NKAIN3: variants seen among roughly 807,000 people sequenced by gnomAD.
NKAIN3 encodes sodium/potassium-transporting ATPase subunit beta-1-interacting protein 3.
A neutral mutation model predicts 30.2 loss-of-function variants in NKAIN3; 25 were observed. The ratio of observed to expected loss-of-function variants is 0.83; its 90% confidence interval spans 0.60 to 1.16. The LOEUF (loss-of-function observed/expected upper bound fraction) is 1.16, where lower values mean the gene tolerates loss of function less well. Among genes scored for constraint, NKAIN3 ranks in the 50% most tolerant of loss-of-function variants. NKAIN3 has a pLI of 0.00. For synonymous variants in NKAIN3, 91 were observed against 89.6 expected, an observed-to-expected ratio of 1.02 and a Z score of -0.09; for missense variants, 225 against 254.1, an observed-to-expected ratio of 0.89 and a Z score of 0.78.
chr8:62,771,141 A>C lies in NKAIN3; in HGVS notation c.471+24012A>C, dbSNP rs1368922194. On this transcript the variant is annotated intron_variant, in intron 4 of 6. Transcript: ENST00000623646. Reference sequence around the variant, plus strand: ...TTTTAAAAATCATGTTTAAATAATAAAAGTGGTCTGGCACAGTGGCTCGCA... The same window carrying C: ...TTTTAAAAATCATGTTTAAATAATACAAGTGGTCTGGCACAGTGGCTCGCA... Among the ~76,000 whole-genome samples the C allele has an allele frequency of 2.6e-5, 4 of 152,240 alleles. No individual in the cohort carries two copies. The East Asian group carries it at 7.7e-4, about 29-fold the overall frequency.
At chr8:62,800,277 T>C (rs776433649) in intron 4 of NKAIN3, among the ~76,000 whole-genome samples, 5 of 152,188 alleles carry the variant, frequency 3.3e-5, no homozygotes, top group Non-Finnish European at 5.9e-5. Flanking sequence ...GGGATTATAA[T>C]TTTGTATATG....
rs186617086 is a variant in NKAIN3 at position 62,889,436 on chromosome 8, T to A, written c.472-29017T>A. On this transcript the variant is annotated intron_variant, in intron 4 of 6. Coordinates refer to ENST00000623646, the MANE Select transcript of NKAIN3 (RefSeq NM_001304533.3). ...CTTGTTGAACATCATAAGAGGTCCC[T>A]CAGAAGACCACCAAAATAATGTAAT... 2.2e-4 allele frequency among the ~76,000 whole-genome samples: 33 copies of A among 152,088 alleles called. No homozygotes were observed. The East Asian group carries it at 4.8e-3, about 22-fold the overall frequency.
intron 1 of NKAIN3, among the ~76,000 whole-genome samples, chr8:62,493,997 T>C (rs924442718): frequency 2.6e-5 from 4 of 152,094 alleles, no homozygotes; most frequent in Non-Finnish European, 5.9e-5. Context: ...TCTTTTCCCA[T>C]TTTCCTATGC....
chr8:62,983,757 C>T lies in NKAIN3; in HGVS notation c.*18350C>T, dbSNP rs1202208255. 3 of 152,148 alleles carry T rather than the reference C, an allele frequency of 2.0e-5. No individual in the cohort carries two copies. The East Asian group carries it at 5.8e-4, about 29-fold the overall frequency. 9.4% of individuals were successfully genotyped at this position (152,148 alleles called of 1,614,324 possible). On this transcript the variant is annotated 3_prime_UTR_variant, in exon 7 of 7. Transcript: ENST00000623646. ...ACTAACATTTCAGAACTGCGGTCAC[C>T]CATTTTATACAAACCAAAGCACTTC...
intron 4 of NKAIN3, among the ~76,000 whole-genome samples, chr8:62,873,937 G>A (rs556731581): frequency 6.6e-6 from 1 of 151,730 alleles, no homozygotes; most frequent in African/African-American, 2.4e-5. Context: ...AGCAAGGCAA[G>A]AACAAACAAA....
At position 62,276,819 on chromosome 8, in the gene NKAIN3, C is replaced by G. The variant is rs79466038; in HGVS notation, c.54+27692C>G. 2.8e-3 allele frequency among the ~76,000 whole-genome samples: 424 copies of G among 152,188 alleles called. 13 individuals are homozygous for G. In the East Asian group the frequency reaches 0.07, roughly 25 times the overall value. On this transcript the variant is annotated intron_variant, in intron 1 of 6. Transcript: ENST00000623646. ...TTGGTAGGAATAGTTTTGTTTAAGT[C>G]AAACATTGCATTAAAATAATTATTT...
intron 3 of NKAIN3, among the ~76,000 whole-genome samples, chr8:62,712,409 C>A (rs1814751826): frequency 6.6e-6 from 1 of 152,046 alleles, no homozygotes; most frequent in Non-Finnish European, 1.5e-5. Context: ...GCAGGTCTTG[C>A]TGTGGCTGCT....
intron 4 of NKAIN3, among the ~76,000 whole-genome samples, chr8:62,886,645 A>G (rs1396077544): frequency 6.6e-6 from 1 of 152,154 alleles, no homozygotes; most frequent in Non-Finnish European, 1.5e-5. Context: ...TCTTTTCTTA[A>G]CAGTAAATAC....
In NKAIN3 at chr8:62,342,521, C is replaced by T. The variant is rs1045054713; in HGVS notation, c.54+93394C>T. The stretch of plus-strand genomic sequence containing the variant: ...TGTCTAGTCTCTTGATTCCTGAATC[C>T]ATTAATGCCCTTTGAGTGTCACCCA... On this transcript the variant is annotated intron_variant, in intron 1 of 6. Transcript: ENST00000623646. Among the ~76,000 whole-genome samples, 9 of 151,972 alleles carry T rather than the reference C, an allele frequency of 5.9e-5. 1 individual carries two copies. The highest frequency in any genetic ancestry group is 5.3e-4 in the Admixed American group (8 of 15,230).
chr8:62,638,864 G>T (rs953355992), intron 3 of NKAIN3, among the ~76,000 whole-genome samples: 1 of 152,102 alleles, frequency 6.6e-6, no homozygotes, highest in African/African-American at 2.4e-5. Flanking sequence ...GAGACTAGGG[G>T]CTTGACAATC....
At position 62,543,307 on chromosome 8, in the gene NKAIN3, T is replaced by C. The variant is rs146096904; in HGVS notation, c.55-36232T>C. Among the ~76,000 whole-genome samples, 109 of 152,332 alleles carry C rather than the reference T, an allele frequency of 7.2e-4. 1 individual carries two copies. The Middle Eastern group carries it at 0.024, about 33-fold the overall frequency. Reference sequence around the variant, plus strand: ...GCTACTAGCCTTCCTTTGGTCCATCTAGCTCATAGATGCCCTATAGAGAAT... The same window carrying C: ...GCTACTAGCCTTCCTTTGGTCCATCCAGCTCATAGATGCCCTATAGAGAAT... On this transcript the variant is annotated intron_variant, in intron 1 of 6. Transcript: ENST00000623646.
At chr8:62,394,938 T>TG (rs928247837) in intron 1 of NKAIN3, among the ~76,000 whole-genome samples, 1 of 136,886 alleles carries the variant, frequency 7.3e-6, no homozygotes, top group Non-Finnish European at 1.6e-5. Flanking sequence ...ACTTCTCAGA[T>TG]GGTGGGGCAG....
At chr8:62,341,878 TA>T (rs1563940718) in intron 1 of NKAIN3, among the ~76,000 whole-genome samples, 1 of 152,088 alleles carries the variant, frequency 6.6e-6, no homozygotes, top group Non-Finnish European at 1.5e-5. Flanking sequence ...TCTCCCTTTT[TA>T]CTCTATGCTG....
intron 1 of NKAIN3, among the ~76,000 whole-genome samples, chr8:62,481,293 A>G (rs1806710348): frequency 1.3e-5 from 2 of 152,044 alleles, no homozygotes; most frequent in African/African-American, 4.8e-5. Context: ...TCTGACCTGC[A>G]CACCCCACCC....
chr8:62,972,750 T>A lies in NKAIN3; in HGVS notation c.*7343T>A, dbSNP rs996577757. On this transcript the variant is annotated 3_prime_UTR_variant, in exon 7 of 7. Transcript: ENST00000623646. ...TGCAGGTTTGTTACATAGGTATACA[T>A]GTGCCATGGTGGTTTGCTGCACCCA... Among the ~76,000 whole-genome samples, 1 of 152,212 alleles carries A rather than the reference T, an allele frequency of 6.6e-6. No homozygotes were observed. Among genetic ancestry groups the A allele is most frequent in the East Asian group, 1.9e-4 (1 of 5,198 alleles).
At chr8:62,721,865 A>G (rs1815104073) in intron 3 of NKAIN3, among the ~76,000 whole-genome samples, 2 of 152,212 alleles carry the variant, frequency 1.3e-5, no homozygotes, top group Non-Finnish European at 2.9e-5. Flanking sequence ...AGACACCTTG[A>G]AACATGTAGC....
chr8:62,634,198 A>G (rs1812056781), intron 3 of NKAIN3, among the ~76,000 whole-genome samples: 1 of 151,966 alleles, frequency 6.6e-6, no homozygotes, highest in Non-Finnish European at 1.5e-5. Context: ...GAAACCAACA[A>G]TCAGGCCTCC....
chr8:62,303,538 C>A (rs1814125263), intron 1 of NKAIN3, among the ~76,000 whole-genome samples: 1 of 150,566 alleles, frequency 6.6e-6, no homozygotes, highest in Non-Finnish European at 1.5e-5. Flanking sequence ...AAGGGATTCA[C>A]ACACATAATT....
intron 1 of NKAIN3, among the ~76,000 whole-genome samples, chr8:62,408,975 G>A (rs1804157736): frequency 6.6e-6 from 1 of 152,112 alleles, no homozygotes; most frequent in Admixed American, 6.5e-5. Context: ...ATTAAATATT[G>A]CGGAAAAAAT....
Sources: allele counts gnomAD v4.1 joint callset (sites outside exome capture counted in the v4.1 genomes callset), GRCh38; gene constraint gnomAD v4.1.1; transcripts MANE v1.5; gene names NCBI Gene and HGNC (gene_info 2026-07-23, HGNC 2026-07-21).